Variants in PIEZO1 observed in about 807,000 individuals in gnomAD.
PIEZO1 encodes piezo type mechanosensitive ion channel component 1 (Er blood group).
PIEZO1 carries 296 observed loss-of-function variants against 297.2 expected under a neutral mutation model. That is an observed-to-expected ratio of 1.00 (90% CI 0.91 to 1.10). The LOEUF is 1.10. Among genes scored for constraint, PIEZO1 ranks in the 50% least tolerant of loss-of-function variants. The probability of loss-of-function intolerance (pLI) is 0.00; values close to 1 mark genes in which losing one functional copy is unlikely to be tolerated. For missense variants in PIEZO1, 5,018 were observed against 3,455.5 expected (o/e 1.45, Z -11.34); for synonymous variants, 2,427 against 1,507.5 (o/e 1.61, Z -14.13).
At chr16:88,742,167 C>A in intron 3 of PIEZO1, 72 bp from the exon 4 acceptor site, 2 of 1,520,490 alleles carry the variant, frequency 1.3e-6, no homozygotes, top group South Asian at 1.2e-5. Context: ...ATCCCTGGAG[C>A]GTTTCACCTG....
Position 88,723,011 on chromosome 16 carries a change from TGCGGGAGGGCGGGAGGGGGC to T in PIEZO1, c.4496-22_4496-3del. 7.1e-7 allele frequency: 1 copy of T among 1,411,334 alleles called. No individual in the cohort carries two copies. Among genetic ancestry groups the T allele is most frequent in the Non-Finnish European group, 9.5e-7 (1 of 1,051,626 alleles). The allele number at this position is 1,411,334 out of a possible 1,614,324, so 87.4% of individuals were successfully genotyped here. On this transcript the variant is annotated splice_polypyrimidine_tract_variant and splice_region_variant and intron_variant, in intron 33 of 50. Transcript: ENST00000301015. ...CCCTCTGCACCACATGGCTCCGGCC[TGCGGGAGGGCGGGAGGGGGC>T]GCTGGAGGGGCAGCCTGTGGGGCCA...
At chr16:88,770,287 G>A (rs1450800158) in intron 1 of PIEZO1, among the ~76,000 whole-genome samples, 1 of 152,122 alleles carries the variant, frequency 6.6e-6, no homozygotes, top group Non-Finnish European at 1.5e-5. Context: ...TGATGCCTGT[G>A]CACAGCCCGC....
At chr16:88,745,556 A>G (rs1905995774) in intron 2 of PIEZO1, 1 of 152,194 alleles carries the variant, frequency 6.6e-6, no homozygotes, top group Non-Finnish European at 1.5e-5. Flanking sequence ...CAGCCTGGCC[A>G]ACATGGTGAA....
At chr16:88,735,989 A>G (rs1905185378) in intron 12 of PIEZO1, among the ~76,000 whole-genome samples, 159 bp downstream of exon 12, 1 of 152,242 alleles carries the variant, frequency 6.6e-6, no homozygotes, top group Admixed American at 6.5e-5. Context: ...CTCACTGAGA[A>G]GCTACTCTGG....
rs537303503 is a variant in PIEZO1 at position 88,727,062 on chromosome 16, G to A, written c.3432C>T (p.Pro1144=). The part of the protein sequence containing the change: ...RLEPLRGEPN[P]VPNFIHCRSY... ...ACCTGCAGTGGATAAAGTTGGGCAC[G>A]GGGTTGGGCTCCCCCCGCAGCGGCT... The change falls in exon 24 of 51, where the codon CCC becomes CCT. Residue 1144 remains proline, a synonymous_variant. Coordinates refer to ENST00000301015, the MANE Select transcript of PIEZO1 (RefSeq NM_001142864.4). 3.2e-5 allele frequency: 49 copies of A among 1,549,178 alleles called. No individual in the cohort carries two copies. Among genetic ancestry groups the A allele is most frequent in the Middle Eastern group, 1.7e-4 (1 of 5,988 alleles).
At chr16:88,724,396 T>G (rs1052739565) in intron 30 of PIEZO1, among the ~76,000 whole-genome samples, 1 of 152,064 alleles carries the variant, frequency 6.6e-6, no homozygotes. Flanking sequence ...CTGGGCGTGG[T>G]GGCGGGCACC....
intron 1 of PIEZO1, among the ~76,000 whole-genome samples, chr16:88,769,429 G>C (rs1281403426): frequency 6.6e-6 from 1 of 152,222 alleles, no homozygotes; most frequent in Non-Finnish European, 1.5e-5. Context: ...CTTGGATTTA[G>C]ATTTCGGACT....
Position 88,721,821 on chromosome 16 carries a change from A to AAG in PIEZO1, c.5200_5201insCT (p.Ile1734ThrfsTer188). The AAG allele has an allele frequency of 6.5e-7, 1 of 1,546,766 alleles. No individual in the cohort carries two copies. The highest frequency in any genetic ancestry group is 2.4e-5 in the East Asian group (1 of 40,862). ...GCCTCGGCCCACCTCGGTGAAGACG[A>AAG]TGGCCGTCATCCAGAAGCGCTTGCT... is the stretch of plus-strand genomic sequence containing the variant. On this transcript the variant is annotated frameshift_variant, in exon 37 of 51. Coordinates refer to ENST00000301015, the MANE Select transcript of PIEZO1 (RefSeq NM_001142864.4). LOFTEE classifies it high-confidence loss of function.
chr16:88,756,989 T>C (rs1906694199), intron 1 of PIEZO1, among the ~76,000 whole-genome samples: 1 of 151,842 alleles, frequency 6.6e-6, no homozygotes, highest in South Asian at 2.1e-4. Context: ...GGCAGGAGAA[T>C]GGCGTGAACC....
intron 47 of PIEZO1, 24 bp downstream of exon 47, chr16:88,716,535 C>T (rs751000081): frequency 1.3e-6 from 2 of 1,537,084 alleles, no homozygotes; most frequent in Non-Finnish European, 8.8e-7. Context: ...CCCACCCAGG[C>T]ACTGCCCCAA....
Position 88,722,451 on chromosome 16 carries a change from C to T in PIEZO1, c.4776-54G>A, listed in dbSNP as rs527819196. 1.0e-4 allele frequency: 147 copies of T among 1,459,778 alleles called. No homozygotes were observed. The East Asian group carries it at 1.4e-3, about 14-fold the overall frequency. The allele number at this position is 1,459,778 out of a possible 1,614,324, so 90.4% of individuals were successfully genotyped here. The stretch of plus-strand genomic sequence containing the variant: ...TCCTGCTCTATGGCCTGACCCCAGG[C>T]TACAGGGAGGGTCAGGGTGGAAAGT... On this transcript the variant is annotated intron_variant, in intron 35 of 50. Transcript: ENST00000301015.
rs1482000245 is a variant in PIEZO1 at position 88,722,896 on chromosome 16, C to T, written c.4609G>A (p.Gly1537Ser). 1.3e-5 allele frequency: 20 copies of T among 1,549,108 alleles called. No individual in the cohort carries two copies. The highest frequency in any genetic ancestry group is 4.1e-5 in the African/African-American group (3 of 73,148). Reference protein sequence around the residue: ...RWLQEFTRHHGTMSDVLRAER... With the variant: ...RWLQEFTRHHSTMSDVLRAER... ...GCCCGCAGCACGTCGCTCATGGTGC[C>T]GTGGTGCCGGGTGAACTCCTGCAGC... Residue 1537 changes from glycine to serine, a missense_variant, in exon 34 of 51, where the codon GGC becomes AGC. Coordinates refer to ENST00000301015, the MANE Select transcript of PIEZO1 (RefSeq NM_001142864.4).
intron 10 of PIEZO1, chr16:88,736,990 C>G: frequency 2.5e-6 from 1 of 403,126 alleles, no homozygotes; most frequent in Non-Finnish European, 4.5e-6. Context: ...GGCCCTGACC[C>G]CCTTTCCAGC....
rs977057041 is a variant in PIEZO1, at chr16:88,716,844, C to T, written c.6715G>A (p.Ala2239Thr). 1.9e-6 allele frequency: 3 copies of T among 1,550,134 alleles called. No individual in the cohort carries two copies. Among genetic ancestry groups the T allele is most frequent in the Non-Finnish European group, 2.6e-6 (3 of 1,146,952 alleles). The part of the protein sequence containing the change: ...QPSIIPFTAQ[A>T]YEELSRQFDP... ...AACTGCCGGGACAGCTCCTCATAGG[C>T]CTGGGCCGTGAAGGGGATGATGGAC... is the stretch of plus-strand genomic sequence containing the variant. Residue 2239 changes from alanine (A) to threonine (T), a missense_variant, in exon 46 of 51, where the codon GCC becomes ACC. By Grantham distance (58) the Ala-to-Thr change is moderately conservative. Transcript: ENST00000301015.
chr16:88,742,263 G>T (rs1411441580), intron 3 of PIEZO1, 37 bp downstream of exon 3: 2 of 1,520,618 alleles, frequency 1.3e-6, no homozygotes, highest in South Asian at 2.4e-5. Context: ...CTGACCCCCA[G>T]GATGGCTATC....
At chr16:88,745,982 G>A (rs367876837) in intron 2 of PIEZO1, among the ~76,000 whole-genome samples, 3 of 152,220 alleles carry the variant, frequency 2.0e-5, no homozygotes, top group African/African-American at 7.2e-5. Context: ...CACACCTGCC[G>A]GACAAGGGCT....
intron 2 of PIEZO1, among the ~76,000 whole-genome samples, chr16:88,747,608 C>T (rs1363546084): frequency 6.6e-6 from 1 of 152,176 alleles, no homozygotes; most frequent in Non-Finnish European, 1.5e-5. Context: ...GTCGCGAGGC[C>T]GGAGAGCGAC....
chr16:88,726,621 T>G lies in PIEZO1; in HGVS notation c.3722A>C (p.Glu1241Ala). 6.9e-7 allele frequency: 1 copy of G among 1,442,294 alleles called. No individual in the cohort carries two copies. Among genetic ancestry groups the G allele is most frequent in the Non-Finnish European group, 9.2e-7 (1 of 1,081,276 alleles). The allele number at this position is 1,442,294 out of a possible 1,614,324, so 89.3% of individuals were successfully genotyped here. A position where few individuals can be genotyped will look rare whatever the true frequency, so the allele number is the denominator to read the frequency against. Residue 1241 changes from glutamate (E) to alanine (A), a missense_variant, in exon 26 of 51, where the codon GAG becomes GCG. Physicochemically the swap from Glu to Ala is moderately radical, Grantham distance 107. Transcript: ENST00000301015. ...CCAGCAGAAGCCGGTCTGCATCTGCTCCACGAAGACGCAGGCCAGGAGCTG... is the reference window on the plus strand; with the variant it reads ...CCAGCAGAAGCCGGTCTGCATCTGCGCCACGAAGACGCAGGCCAGGAGCTG... ...MLSLLACVFVEQMQTGFCWVI... is the reference protein window; with the variant it reads ...MLSLLACVFVAQMQTGFCWVI...
Position 88,722,878 on chromosome 16 carries a change from G to C in PIEZO1, c.4627C>G (p.Leu1543Val). ...GTGAGGAGGTAGCGCTCTGCCCGCA[G>C]CACGTCGCTCATGGTGCCGTGGTGC... ...TRHHGTMSDV[L>V]RAERYLLTQE... Residue 1543 changes from leucine (L) to valine (V), a missense_variant, in exon 34 of 51, where the codon CTG becomes GTG. Coordinates refer to ENST00000301015, the MANE Select transcript of PIEZO1 (RefSeq NM_001142864.4). 6.5e-7 allele frequency: 1 copy of C among 1,548,606 alleles called. No homozygotes were observed. The highest frequency in any genetic ancestry group is 8.7e-7 in the Non-Finnish European group (1 of 1,146,808).
Sources: allele counts gnomAD v4.1 joint callset (sites outside exome capture counted in the v4.1 genomes callset), GRCh38; gene constraint gnomAD v4.1.1; transcripts MANE v1.5; gene names NCBI Gene and HGNC (gene_info 2026-07-23, HGNC 2026-07-21).